The following ATXN10 variants were observed in gnomAD, a reference collection of about 807,000 sequenced individuals.
ATXN10 encodes the protein ataxin-10.
Under a neutral mutation model 52.9 loss-of-function variants are expected in ATXN10, and 28 were observed. The ratio of observed to expected loss-of-function variants is 0.53; its 90% CI spans 0.39 to 0.73. ATXN10 has a LOEUF of 0.73. Among genes scored for constraint, ATXN10 ranks in the 30% least tolerant of loss-of-function variants. The probability of loss-of-function intolerance (pLI) is 0.00; values close to 1 mark genes in which losing one functional copy is unlikely to be tolerated. For missense variants in ATXN10, 565 were observed against 577.0 expected (o/e 0.98, Z 0.21); for synonymous variants, 226 against 221.5 (o/e 1.02, Z -0.18).
intron 9 of ATXN10, among the ~76,000 whole-genome samples, chr22:45,788,443 A>G (rs993817743): frequency 7.4e-5 from 11 of 147,976 alleles, no homozygotes; most frequent in Non-Finnish European, 1.6e-4. Flanking sequence ...ATCTACCTTT[A>G]CCATGTATCT....
intron 9 of ATXN10, among the ~76,000 whole-genome samples, chr22:45,800,163 C>T (rs569434962): frequency 3.3e-5 from 5 of 152,010 alleles, no homozygotes; most frequent in East Asian, 3.9e-4. Context: ...CTCTTTGAAA[C>T]GTATTATTAA....
At position 45,713,758 on chromosome 22, in the gene ATXN10, C is replaced by T. The variant is rs544778865; in HGVS notation, c.648-4655C>T. On this transcript the variant is annotated intron_variant, in intron 5 of 11. Coordinates refer to ENST00000252934, the MANE Select transcript of ATXN10 (RefSeq NM_013236.4). ...CAACCACAACCCCTACTTCTCCCCA[C>T]ACTGTTGGGCTTTTTGCTTTTTTCA... Among the ~76,000 whole-genome samples, 3 of 152,320 alleles carry T rather than the reference C, an allele frequency of 2.0e-5. No homozygotes were observed. In the East Asian group the frequency reaches 5.8e-4, roughly 29 times the overall value.
intron 9 of ATXN10, chr22:45,793,604 C>T (rs771372543): frequency 3.0e-6 from 4 of 1,321,836 alleles, no homozygotes; most frequent in Non-Finnish European, 2.9e-6. Flanking sequence ...TCATTTTAGG[C>T]AGCTATTGCT....
chr22:45,790,260 T>C lies in ATXN10; in HGVS notation c.1174-16699T>C, dbSNP rs112688092. 3.3e-3 allele frequency among the ~76,000 whole-genome samples: 504 copies of C among 152,328 alleles called. 1 individual carries two copies. The highest frequency in any genetic ancestry group is 6.5e-3 in the Admixed American group (99 of 15,302). On this transcript the variant is annotated intron_variant, in intron 9 of 11. Coordinates refer to ENST00000252934, the MANE Select transcript of ATXN10 (RefSeq NM_013236.4). This position sits in a 1 kb window ranked among gnomAD's most constrained non-coding sequence, Gnocchi z 4.7. ...TTTTTGTAACAGCTGCAGTCTGGACTGTCTCTTGCCGGAATGTGTGTGGTT... is the reference window on the plus strand; with the variant it reads ...TTTTTGTAACAGCTGCAGTCTGGACCGTCTCTTGCCGGAATGTGTGTGGTT...
chr22:45,842,863 C>A lies in ATXN10; in HGVS notation c.1238-128C>A. 9.4e-7 allele frequency: 1 copy of A among 1,064,498 alleles called. No individual in the cohort carries two copies. The highest frequency in any genetic ancestry group is 1.4e-6 in the Non-Finnish European group (1 of 698,708). 65.9% of individuals were successfully genotyped at this position (1,064,498 alleles called of 1,614,324 possible). ...GATGCATATTCAGAGAATGCATCCT[C>A]AAGAAAACTTGTGGATTGATACTGG... is the stretch of plus-strand genomic sequence containing the variant. On this transcript the variant is annotated intron_variant, in intron 10 of 11. Transcript: ENST00000252934. The surrounding 1 kb of genome is among the most constrained non-coding windows in gnomAD (Gnocchi z 4.8).
Position 45,794,145 on chromosome 22 carries a change from G to A in ATXN10, c.1174-12814G>A, listed in dbSNP as rs189671774. On this transcript the variant is annotated intron_variant, in intron 9 of 11. Coordinates refer to ENST00000252934, the MANE Select transcript of ATXN10 (RefSeq NM_013236.4). ...GGTAAACTGACATGACATATTGGTG[G>A]GTATGTCTTATAGAAAATGGCTTCC... is the stretch of plus-strand genomic sequence containing the variant. 1.8e-4 allele frequency among the ~76,000 whole-genome samples: 27 copies of A among 152,220 alleles called. 1 individual carries two copies. In the East Asian group the frequency reaches 4.8e-3, roughly 27 times the overall value.
At position 45,818,396 on chromosome 22, in the gene ATXN10, C is replaced by T. The variant is rs542267187; in HGVS notation, c.1237+11374C>T. On this transcript the variant is annotated intron_variant, in intron 10 of 11. Transcript: ENST00000252934. This position sits in a 1 kb window ranked among gnomAD's most constrained non-coding sequence, Gnocchi z 4.6. ...TGTCCTGCCAAGCCTGGTTGCTCAGCTCTCCCTGGCTCTCAGGAGTCAAAG... is the reference window on the plus strand; with the variant it reads ...TGTCCTGCCAAGCCTGGTTGCTCAGTTCTCCCTGGCTCTCAGGAGTCAAAG... Among the ~76,000 whole-genome samples the T allele has an allele frequency of 6.6e-6, 1 of 152,326 alleles. No homozygotes were observed. The highest frequency in any genetic ancestry group is 1.5e-5 in the Non-Finnish European group (1 of 68,034).
At chr22:45,803,442 T>C (rs1450552768) in intron 9 of ATXN10, among the ~76,000 whole-genome samples, 1 of 152,190 alleles carries the variant, frequency 6.6e-6, no homozygotes, top group Non-Finnish European at 1.5e-5. Flanking sequence ...AGGGAGGCCT[T>C]CTCTTGTGAG....
At chr22:45,764,167 A>T (rs145255807) in intron 9 of ATXN10, among the ~76,000 whole-genome samples, 85 of 152,080 alleles carry the variant, frequency 5.6e-4, no homozygotes, top group African/African-American at 2.0e-3. Flanking sequence ...CTCTGCAGGA[A>T]TCATCTTCTC....
At chr22:45,758,561 C>T (rs998402578) in intron 9 of ATXN10, among the ~76,000 whole-genome samples, 1 of 152,224 alleles carries the variant, frequency 6.6e-6, no homozygotes, top group Admixed American at 6.5e-5. Context: ...TCTGCTAATC[C>T]ACAACCATGG....
rs1927313455 is a variant in ATXN10 at position 45,786,070 on chromosome 22, T to A, written c.1174-20889T>A. ...TTCATTCATTATTTAAACAAAGATTTTATCTGCTAGTTGAATAATTCATGA... is the reference window on the plus strand; with the variant it reads ...TTCATTCATTATTTAAACAAAGATTATATCTGCTAGTTGAATAATTCATGA... On this transcript the variant is annotated intron_variant, in intron 9 of 11. Coordinates refer to ENST00000252934, the MANE Select transcript of ATXN10 (RefSeq NM_013236.4). The surrounding 1 kb of genome is among the most constrained non-coding windows in gnomAD (Gnocchi z 4.1). Among the ~76,000 whole-genome samples, 1 of 152,234 alleles carries A rather than the reference T, an allele frequency of 6.6e-6. No homozygotes were observed. Among genetic ancestry groups the A allele is most frequent in the African/African-American group, 2.4e-5 (1 of 41,460 alleles).
At chr22:45,739,773 A>C (rs1925438005) in intron 8 of ATXN10, among the ~76,000 whole-genome samples, 1 of 152,196 alleles carries the variant, frequency 6.6e-6, no homozygotes, top group Non-Finnish European at 1.5e-5. Context: ...GATAATGTGG[A>C]AACACTGAAA....
rs1927659231 is a variant in ATXN10 at position 45,795,038 on chromosome 22, T to G, written c.1174-11921T>G. ...GTAATTGCCCAAAGATTAAACAGAG[T>G]ATACAGTTACAACATTCTTATATTG... is the stretch of plus-strand genomic sequence containing the variant. On this transcript the variant is annotated intron_variant, in intron 9 of 11. Transcript: ENST00000252934. This position sits in a 1 kb window ranked among gnomAD's most constrained non-coding sequence, Gnocchi z 4.6. Among the ~76,000 whole-genome samples, 2 of 152,120 alleles carry G rather than the reference T, an allele frequency of 1.3e-5. No individual in the cohort carries two copies. Among genetic ancestry groups the G allele is most frequent in the African/African-American group, 4.8e-5 (2 of 41,402 alleles).
chr22:45,795,534 C>A lies in ATXN10; in HGVS notation c.1174-11425C>A, dbSNP rs936494734. On this transcript the variant is annotated intron_variant, in intron 9 of 11. Coordinates refer to ENST00000252934, the MANE Select transcript of ATXN10 (RefSeq NM_013236.4). The surrounding 1 kb of genome is among the most constrained non-coding windows in gnomAD (Gnocchi z 4.6). ...CAAGCAATTCTCCTGCCTCAGCCTCCCAAGTAGCTGAGATTACAGGTTCAC... is the reference window on the plus strand; with the variant it reads ...CAAGCAATTCTCCTGCCTCAGCCTCACAAGTAGCTGAGATTACAGGTTCAC... Among the ~76,000 whole-genome samples, 1 of 152,060 alleles carries A rather than the reference C, an allele frequency of 6.6e-6. No homozygotes were observed. The highest frequency in any genetic ancestry group is 6.6e-5 in the Admixed American group (1 of 15,262).
intron 6 of ATXN10, among the ~76,000 whole-genome samples, chr22:45,722,152 T>G (rs1924678580): frequency 6.6e-6 from 1 of 152,212 alleles, no homozygotes; most frequent in Non-Finnish European, 1.5e-5. Context: ...TGTGTAATAA[T>G]TCTAGACGGC....
chr22:45,788,446 A>G (rs1026598455), intron 9 of ATXN10, among the ~76,000 whole-genome samples: 4 of 150,446 alleles, frequency 2.7e-5, no homozygotes, highest in African/African-American at 7.3e-5. Flanking sequence ...TACCTTTACC[A>G]TGTATCTCGT....
chr22:45,726,342 G>A (rs1353021835), intron 6 of ATXN10, among the ~76,000 whole-genome samples: 1 of 152,118 alleles, frequency 6.6e-6, no homozygotes, highest in Non-Finnish European at 1.5e-5. Flanking sequence ...CTCACTGGTT[G>A]TTACTGGTCT....
Position 45,705,866 on chromosome 22 carries a change from C to G in ATXN10, c.647+3019C>G, listed in dbSNP as rs745678524. ...CCCCGACCTGTGGACTGGTACCTGT[C>G]CATGGCCTGTTAGGAACAGGACCAC... On this transcript the variant is annotated intron_variant, in intron 5 of 11. Transcript: ENST00000252934. This position sits in a 1 kb window ranked among gnomAD's most constrained non-coding sequence, Gnocchi z 5.2. 1.4e-4 allele frequency among the ~76,000 whole-genome samples: 22 copies of G among 152,158 alleles called. No homozygotes were observed. The highest frequency in any genetic ancestry group is 2.8e-4 in the Non-Finnish European group (19 of 68,020).
rs544110079 is a variant in ATXN10, at chr22:45,746,255, A to G, written c.1173+5717A>G. 7.3e-4 allele frequency among the ~76,000 whole-genome samples: 109 copies of G among 149,934 alleles called. 2 individuals are homozygous for G. The South Asian group carries it at 9.5e-3, about 13-fold the overall frequency. On this transcript the variant is annotated intron_variant, in intron 9 of 11. Transcript: ENST00000252934. ...AGTGGGTTTTTTGGTGGGGTGTACT[A>G]TTTTCCACCCTTTTTGTATCTAGTT...
Sources: allele counts gnomAD v4.1 joint callset (sites outside exome capture counted in the v4.1 genomes callset), GRCh38; gene constraint gnomAD v4.1.1; non-coding constraint Gnocchi (gnomAD v3.1); transcripts MANE v1.5; gene names NCBI Gene and HGNC (gene_info 2026-07-23, HGNC 2026-07-21).